HMCN2: variants seen among roughly 807,000 people sequenced by gnomAD.
HMCN2 encodes hemicentin-2.
Under a neutral mutation model 377.5 loss-of-function variants are expected in HMCN2, and 325 were observed. The ratio of observed to expected loss-of-function variants is 0.86; its 90% CI spans 0.79 to 0.94. The LOEUF (loss-of-function observed/expected upper bound fraction) is 0.94, where lower values mean the gene tolerates loss of function less well. Ranked by LOEUF, HMCN2 falls within the 40% of genes least tolerant of loss-of-function variation. The pLI is 0.00. For missense variants in HMCN2, 4,543 were observed against 4,725.3 expected, an observed-to-expected ratio of 0.96 and a Z score of 1.13; for synonymous variants, 2,007 against 2,046.8, an observed-to-expected ratio of 0.98 and a Z score of 0.53.
intron 61 of HMCN2, among the ~76,000 whole-genome samples, chr9:130,386,895 C>T (rs1397060351): frequency 6.6e-6 from 1 of 152,260 alleles, no homozygotes; most frequent in Non-Finnish European, 1.5e-5. Flanking sequence ...AGTAGAGTGA[C>T]TTTGTCCCTC....
intron 7 of HMCN2, among the ~76,000 whole-genome samples, chr9:130,298,134 A>G (rs545317705): frequency 6.6e-6 from 1 of 152,258 alleles, no homozygotes; most frequent in South Asian, 2.1e-4. Context: ...TTGTATTTTT[A>G]GTAGAGACAG....
intron 15 of HMCN2, among the ~76,000 whole-genome samples, chr9:130,317,734 C>T (rs1415787416): frequency 2.9e-5 from 4 of 138,840 alleles, no homozygotes; most frequent in Non-Finnish European, 4.6e-5. Flanking sequence ...CGCAGGGAGC[C>T]GAGATTGCGC....
chr9:130,382,096 A>T, intron 54 of HMCN2, 88 bp from the exon 55 acceptor site: 1 of 391,692 alleles, frequency 2.6e-6, no homozygotes, highest in Non-Finnish European at 3.5e-6. Context: ...CACATGTCCC[A>T]GGTCCACTCC....
intron 82 of HMCN2, 82 bp downstream of exon 82, chr9:130,406,250 C>A: frequency 8.6e-7 from 1 of 1,160,506 alleles, no homozygotes; most frequent in Non-Finnish European, 1.1e-6. Context: ...GGAGACCCAA[C>A]CTAGTGGAAA....
At chr9:130,377,506 G>T in intron 52 of HMCN2, 143 bp from the exon 53 acceptor site, 1 of 258,548 alleles carries the variant, frequency 3.9e-6, no homozygotes, top group Non-Finnish European at 6.0e-6. Flanking sequence ...CTATGGATTT[G>T]GTTTTATAAA....
intron 93 of HMCN2, chr9:130,429,237 C>T: frequency 5.4e-6 from 2 of 372,832 alleles, no homozygotes; most frequent in Non-Finnish European, 9.8e-6. Flanking sequence ...TCTTTACCCT[C>T]TTTATGGATG....
rs895631060 is a variant in HMCN2 at position 130,376,505 on chromosome 9, G to A, written c.7919-11G>A. On this transcript the variant is annotated splice_polypyrimidine_tract_variant and intron_variant, in intron 51 of 97. Transcript: ENST00000683500. ...CCCCAGCTCTGCTCTCAGACCCCTC[G>A]TGCTTTTCAGTCCCCCCTTCCATCT... 9.1e-6 allele frequency: 9 copies of A among 985,438 alleles called. No individual in the cohort carries two copies. Among genetic ancestry groups the A allele is most frequent in the Admixed American group, 1.2e-4 (2 of 16,248 alleles). The allele number at this position is 985,438 out of a possible 1,614,324, so 61.0% of individuals were successfully genotyped here.
At chr9:130,427,405 G>T (rs1436494798) in intron 91 of HMCN2, 30 bp downstream of exon 91, 1 of 1,550,572 alleles carries the variant, frequency 6.4e-7, no homozygotes, top group South Asian at 1.2e-5. Context: ...GCATGGATGT[G>T]GGAGGCCTCT....
chr9:130,332,875 T>G (rs1395347872), intron 22 of HMCN2, among the ~76,000 whole-genome samples: 1 of 152,204 alleles, frequency 6.6e-6, no homozygotes, highest in African/African-American at 2.4e-5. Context: ...TGCAGCAGGC[T>G]GGGTGACTCT....
rs1290900829 is a variant in HMCN2 at position 130,395,907 on chromosome 9, CT to C, written c.10912-16del. ...GGGCACTGATAAGGGTCTGTCCACC[CT>C]GGCGGGGCTCTCCAGGAGGACGCCC... On this transcript the variant is annotated splice_polypyrimidine_tract_variant and intron_variant, in intron 71 of 97. Transcript: ENST00000683500. 3 of 1,284,034 alleles carry C rather than the reference CT, an allele frequency of 2.3e-6. No homozygotes were observed. Among genetic ancestry groups the C allele is most frequent in the Non-Finnish European group, 3.0e-6 (3 of 986,634 alleles). 79.5% of individuals were successfully genotyped at this position (1,284,034 alleles called of 1,614,324 possible). A position where few individuals can be genotyped will look rare whatever the true frequency, so the allele number is the denominator to read the frequency against.
At chr9:130,340,944 T>C (rs905884808) in intron 23 of HMCN2, among the ~76,000 whole-genome samples, 167 bp from the exon 24 acceptor site, 2 of 152,310 alleles carry the variant, frequency 1.3e-5, no homozygotes, top group African/African-American at 2.4e-5. Flanking sequence ...CTCACTCACT[T>C]TGGGGGAGTC....
chr9:130,277,760 T>C (rs1287321553), intron 1 of HMCN2, among the ~76,000 whole-genome samples: 5 of 96,468 alleles, frequency 5.2e-5, no homozygotes, highest in East Asian at 3.0e-4. Flanking sequence ...ACCATCATCA[T>C]CATCACCACC....
At chr9:130,322,769 T>C (rs1227764891) in intron 19 of HMCN2, among the ~76,000 whole-genome samples, 2 of 152,256 alleles carry the variant, frequency 1.3e-5, no homozygotes, top group African/African-American at 4.8e-5. Context: ...ACTGCTCTCC[T>C]GCCCACAGCA....
In HMCN2 at chr9:130,370,992, C is replaced by T. The variant is rs1219742230; in HGVS notation, c.7098C>T (p.Asp2366=). 2.0e-6 allele frequency: 2 copies of T among 986,018 alleles called. No homozygotes were observed. The highest frequency in any genetic ancestry group is 2.4e-6 in the Non-Finnish European group (2 of 830,154). 61.1% of individuals were successfully genotyped at this position (986,018 alleles called of 1,614,324 possible). ...LVPPELIGDL[D]PLTNITAALH... is the part of the protein sequence containing the mutation. ...CCCCAGAGCTCATTGGAGACTTGGACCCGCTGACCAACATCACTGCTGCCT... is the reference window on the plus strand; with the variant it reads ...CCCCAGAGCTCATTGGAGACTTGGATCCGCTGACCAACATCACTGCTGCCT... The change falls in exon 46 of 98, where the codon GAC becomes GAT. Residue 2366 remains aspartate, a synonymous_variant. Transcript: ENST00000683500.
chr9:130,319,891 G>A (rs1236523290), intron 16 of HMCN2, among the ~76,000 whole-genome samples, 196 bp downstream of exon 16: 2 of 152,034 alleles, frequency 1.3e-5, no homozygotes, highest in African/African-American at 2.4e-5. Flanking sequence ...TCATAATCAC[G>A]ACCATGAAAT....
At chr9:130,323,727 C>T (rs1364170438) in intron 19 of HMCN2, among the ~76,000 whole-genome samples, 4 of 151,536 alleles carry the variant, frequency 2.6e-5, no homozygotes, top group Non-Finnish European at 4.4e-5. Context: ...ATTTCTGAGA[C>T]GCAGTCACTC....
In HMCN2 at chr9:130,393,436, T is replaced by C; in HGVS notation, c.10234+127T>C. 1.9e-6 allele frequency: 1 copy of C among 521,388 alleles called. No homozygotes were observed. Among genetic ancestry groups the C allele is most frequent in the South Asian group, 6.2e-5 (1 of 16,158 alleles). 32.3% of individuals were successfully genotyped at this position (521,388 alleles called of 1,614,324 possible). On this transcript the variant is annotated intron_variant, in intron 67 of 97. Transcript: ENST00000683500. The surrounding 1 kb of genome is among the most constrained non-coding windows in gnomAD (Gnocchi z 5.2). Reference sequence around the variant, plus strand: ...TGGGGGCGTCGAGGAGAGCGGACACTGCGGCTCAGTCTCTGACTCACTGTA... The same window carrying C: ...TGGGGGCGTCGAGGAGAGCGGACACCGCGGCTCAGTCTCTGACTCACTGTA...
intron 90 of HMCN2, 138 bp downstream of exon 90, chr9:130,426,062 C>T (rs1435074709): frequency 2.6e-5 from 18 of 688,070 alleles, no homozygotes; most frequent in East Asian, 5.4e-5. Context: ...TGAGACGGCC[C>T]GGCTGGCCTA....
At chr9:130,429,853 A>C in intron 94 of HMCN2, 168 bp downstream of exon 94, 1 of 1,290,256 alleles carries the variant, frequency 7.8e-7, no homozygotes, top group Non-Finnish European at 1.0e-6. Context: ...AGTTCTGAGA[A>C]TAACCAAACA....
Sources: allele counts gnomAD v4.1 joint callset (sites outside exome capture counted in the v4.1 genomes callset), GRCh38; gene constraint gnomAD v4.1.1; non-coding constraint Gnocchi (gnomAD v3.1); transcripts MANE v1.5; gene names NCBI Gene and HGNC (gene_info 2026-07-23, HGNC 2026-07-21).